DENND2A: variants seen among roughly 807,000 people sequenced by gnomAD.
DENND2A encodes the protein DENN domain containing 2A.
In DENND2A, 53 loss-of-function variants were observed where a neutral mutation model predicts 105.3. That is an observed-to-expected ratio of 0.50 (90% CI 0.40 to 0.63). The LOEUF (loss-of-function observed/expected upper bound fraction) is 0.63, where lower values mean the gene tolerates loss of function less well. Ranked by LOEUF, DENND2A falls within the 30% of genes least tolerant of loss-of-function variation. DENND2A has a pLI of 0.00. For missense variants in DENND2A, 1,138 were observed against 1,279.6 expected (o/e 0.89, Z 1.69); for synonymous variants, 522 against 508.4 (o/e 1.03, Z -0.36).
chr7:140,590,216 C>G (rs1002589199), intron 3 of DENND2A, among the ~76,000 whole-genome samples: 4 of 151,956 alleles, frequency 2.6e-5, no homozygotes, highest in African/African-American at 9.7e-5. Flanking sequence ...ATGGTGAAAC[C>G]TTGTCTCTAC....
At position 140,527,366 on chromosome 7, in the gene DENND2A, C is replaced by T; in HGVS notation, c.2457G>A (p.Gly819=). The change falls in exon 15 of 20, where the codon GGG becomes GGA. Residue 819 remains glycine (G), a synonymous_variant. Coordinates refer to ENST00000496613, the MANE Select transcript of DENND2A (RefSeq NM_015689.5). This position sits in a 1 kb window ranked among gnomAD's most constrained non-coding sequence, Gnocchi z 4.9. ...IVCSPTPFLI[G]LLSSSLPLLR... Reference sequence around the variant, plus strand: ...GCAGTGGCAGCGAGCTGGAGAGCAGCCCGATGAGGAAGGGCGTCGGCGAGC... The same window carrying T: ...GCAGTGGCAGCGAGCTGGAGAGCAGTCCGATGAGGAAGGGCGTCGGCGAGC... 1 of 1,603,552 alleles carries T rather than the reference C, an allele frequency of 6.2e-7. No individual in the cohort carries two copies. The highest frequency in any genetic ancestry group is 2.2e-5 in the East Asian group (1 of 44,500).
chr7:140,551,258 C>T (rs1199438747), intron 12 of DENND2A, among the ~76,000 whole-genome samples: 2 of 147,046 alleles, frequency 1.4e-5, no homozygotes, highest in African/African-American at 2.6e-5. Flanking sequence ...CAAGATCACG[C>T]CACTGCCCTC....
chr7:140,587,525 C>T, intron 4 of DENND2A, 128 bp downstream of exon 4: 1 of 1,316,926 alleles, frequency 7.6e-7, no homozygotes, highest in Middle Eastern at 2.7e-4. Context: ...CATCCGAGTG[C>T]ACAGGTGTCT....
chr7:140,536,903 T>A (rs931822444), intron 14 of DENND2A, among the ~76,000 whole-genome samples: 2 of 152,210 alleles, frequency 1.3e-5, no homozygotes, highest in Non-Finnish European at 2.9e-5. Flanking sequence ...CCTCAGGTGA[T>A]CAATCTGTCT....
intron 11 of DENND2A, 25 bp downstream of exon 11, chr7:140,558,118 C>T (rs747766287): frequency 1.6e-5 from 25 of 1,606,706 alleles, no homozygotes; most frequent in Non-Finnish European, 2.1e-5. Flanking sequence ...GAGGCTCTTG[C>T]AGGCTGAAAG....
chr7:140,558,628 A>G (rs13247532), intron 10 of DENND2A, among the ~76,000 whole-genome samples: 2,600 of 151,166 alleles, frequency 0.017, 28 homozygotes, highest in South Asian at 0.032. Context: ...CCTAGGAGGC[A>G]GAGGTAGCAG....
At chr7:140,572,625 G>GT in intron 6 of DENND2A, among the ~76,000 whole-genome samples, 1 of 151,560 alleles carries the variant, frequency 6.6e-6, no homozygotes, top group South Asian at 2.1e-4. Context: ...GCTGGGTGTG[G>GT]TGACTGTAGT....
chr7:140,627,404 G>A lies in DENND2A; in HGVS notation c.-248+13100C>T, dbSNP rs269226. The stretch of plus-strand genomic sequence containing the variant: ...TTTTTTTTGTATTTTTGGTAGAGAC[G>A]GGGTTTCACCATGTTGGCCAGGCTG... On this transcript the variant is annotated intron_variant, in intron 1 of 19. Coordinates refer to ENST00000496613, the MANE Select transcript of DENND2A (RefSeq NM_015689.5). Among the ~76,000 whole-genome samples the A allele has an allele frequency of 3.6e-3, 544 of 152,022 alleles. 7 individuals are homozygous for A. The highest frequency in any genetic ancestry group is 0.012 in the African/African-American group (504 of 41,474).
At chr7:140,616,056 C>A (rs1246440877) in intron 1 of DENND2A, among the ~76,000 whole-genome samples, 2 of 152,106 alleles carry the variant, frequency 1.3e-5, no homozygotes, top group Admixed American at 1.3e-4. Flanking sequence ...TAATTCAATT[C>A]TCAAGAAATT....
At chr7:140,541,292 G>A (rs1303698684) in intron 14 of DENND2A, among the ~76,000 whole-genome samples, 1 of 152,084 alleles carries the variant, frequency 6.6e-6, no homozygotes, top group African/African-American at 2.4e-5. Flanking sequence ...GGGGGAGGCT[G>A]GGGTGTGTGA....
chr7:140,540,256 C>T (rs1021615572), intron 14 of DENND2A, among the ~76,000 whole-genome samples: 7 of 152,270 alleles, frequency 4.6e-5, no homozygotes, highest in East Asian at 1.9e-4. Context: ...ATCCTCACAG[C>T]GCCTGACATT....
intron 12 of DENND2A, among the ~76,000 whole-genome samples, chr7:140,551,944 A>C (rs187758814): frequency 6.2e-4 from 95 of 152,362 alleles, no homozygotes; most frequent in African/African-American, 2.3e-3. Context: ...ATGAAAACAA[A>C]GGACTGTGCA....
chr7:140,626,066 C>T lies in DENND2A; in HGVS notation c.-248+14438G>A, dbSNP rs547875100. On this transcript the variant is annotated intron_variant, in intron 1 of 19. Transcript: ENST00000496613. ...AAGGCCTGGAGGGATTAACTTTTCC[C>T]AAGGCTGCGTGGGTGCTGAATGCGT... 6.6e-5 allele frequency among the ~76,000 whole-genome samples: 10 copies of T among 152,290 alleles called. No individual in the cohort carries two copies. The South Asian group carries it at 1.9e-3, about 28-fold the overall frequency.
intron 5 of DENND2A, among the ~76,000 whole-genome samples, chr7:140,580,976 G>C (rs112639545): frequency 0.024 from 3,595 of 151,082 alleles, 133 homozygotes; most frequent in African/African-American, 0.083. Flanking sequence ...ATATTCAAAA[G>C]TATAGGCCAG....
intron 7 of DENND2A, 65 bp from the exon 8 acceptor site, chr7:140,568,878 T>C (rs929358754): frequency 4.7e-6 from 7 of 1,505,012 alleles, no homozygotes. Context: ...AAACTCTTTC[T>C]ATGTGGTAGC....
intron 13 of DENND2A, among the ~76,000 whole-genome samples, chr7:140,546,158 G>A (rs981658150): frequency 4.6e-5 from 7 of 152,028 alleles, no homozygotes; most frequent in African/African-American, 1.4e-4. Flanking sequence ...GGTGGCTCAC[G>A]CCTGTAATCC....
chr7:140,610,382 T>C (rs1799851071), intron 1 of DENND2A, among the ~76,000 whole-genome samples: 1 of 151,936 alleles, frequency 6.6e-6, no homozygotes, highest in Non-Finnish European at 1.5e-5. Context: ...CAGCTGATGC[T>C]GAGAGATCCT....
At chr7:140,571,192 C>T (rs1443183579) in intron 6 of DENND2A, among the ~76,000 whole-genome samples, 2 of 152,150 alleles carry the variant, frequency 1.3e-5, no homozygotes, top group Non-Finnish European at 2.9e-5. Flanking sequence ...CAGAGTCTTG[C>T]TCTGTCACCA....
At chr7:140,594,448 C>T (rs942200313) in intron 3 of DENND2A, among the ~76,000 whole-genome samples, 2 of 152,146 alleles carry the variant, frequency 1.3e-5, no homozygotes, top group Non-Finnish European at 2.9e-5. Flanking sequence ...ACGTCCACTC[C>T]CCACCCTCCC....
Sources: gnomAD v4.1 joint callset for allele counts (sites outside exome capture counted in the v4.1 genomes callset) on GRCh38, gnomAD v4.1.1 for gene constraint, Gnocchi (gnomAD v3.1) non-coding constraint, MANE v1.5 for transcripts, NCBI Gene and HGNC (gene_info 2026-07-23, HGNC 2026-07-21) for gene names.